The following SORCS3 variants were observed in gnomAD, a reference collection of about 807,000 sequenced individuals.
SORCS3 encodes the protein sortilin related VPS10 domain containing receptor 3, also known as VPS10 domain-containing receptor SorCS3.
A neutral mutation model predicts 146.3 loss-of-function variants in SORCS3; 57 were observed. The ratio of observed to expected loss-of-function variants is 0.39; its 90% confidence interval spans 0.31 to 0.49. SORCS3 has a LOEUF of 0.49. SORCS3 is among the 20% of genes least tolerant of loss of function. The pLI is 0.92. For missense variants in SORCS3, 1,341 were observed against 1,575.5 expected, an observed-to-expected ratio of 0.85 and a Z score of 2.52; for synonymous variants, 653 against 618.5, an observed-to-expected ratio of 1.06 and a Z score of -0.83.
intron 4 of SORCS3, among the ~76,000 whole-genome samples, chr10:105,041,232 C>A (rs902091816): frequency 4.0e-5 from 6 of 148,908 alleles, no homozygotes; most frequent in African/African-American, 1.5e-4. Context: ...CTCTTTCTTG[C>A]AAACAGGATC....
chr10:104,678,267 C>A (rs2015934601), intron 1 of SORCS3, among the ~76,000 whole-genome samples: 2 of 151,988 alleles, frequency 1.3e-5, no homozygotes, highest in Non-Finnish European at 2.9e-5. Flanking sequence ...GTTGGGTGAA[C>A]TAGACCCAGT....
At chr10:105,087,041 C>T (rs2055666433) in intron 5 of SORCS3, among the ~76,000 whole-genome samples, 1 of 152,080 alleles carries the variant, frequency 6.6e-6, no homozygotes, top group African/African-American at 2.4e-5. Flanking sequence ...AGACTTTCTT[C>T]TAGGGTTTTT....
At chr10:105,217,632 CT>C (rs1222369805) in intron 19 of SORCS3, among the ~76,000 whole-genome samples, 4 of 152,202 alleles carry the variant, frequency 2.6e-5, no homozygotes, top group Admixed American at 1.3e-4. Context: ...TACAAGGTTA[CT>C]GCAAGTTCAT....
chr10:104,758,016 C>T (rs1005145679), intron 1 of SORCS3, among the ~76,000 whole-genome samples: 3 of 152,162 alleles, frequency 2.0e-5, no homozygotes, highest in African/African-American at 7.2e-5. Flanking sequence ...AACATAAAAA[C>T]AGGAGAATTT....
At chr10:105,218,743 G>A (rs959647537) in intron 19 of SORCS3, among the ~76,000 whole-genome samples, 1 of 152,192 alleles carries the variant, frequency 6.6e-6, no homozygotes, top group Non-Finnish European at 1.5e-5. Flanking sequence ...CTGGCTGGGC[G>A]CGGTGGCTCA....
intron 5 of SORCS3, among the ~76,000 whole-genome samples, chr10:105,075,897 G>A (rs1391274071): frequency 6.6e-6 from 1 of 152,200 alleles, no homozygotes; most frequent in Non-Finnish European, 1.5e-5. Context: ...CAGCTGGTCA[G>A]TATGAACGTG....
chr10:105,084,610 A>T (rs539404698), intron 5 of SORCS3, among the ~76,000 whole-genome samples: 14 of 152,274 alleles, frequency 9.2e-5, no homozygotes, highest in African/African-American at 2.9e-4. Context: ...TGGGCTTCTC[A>T]GCAGTTTGTG....
intron 2 of SORCS3, among the ~76,000 whole-genome samples, chr10:104,901,927 G>A (rs888146344): frequency 1.3e-5 from 2 of 152,234 alleles, no homozygotes; most frequent in Admixed American, 6.5e-5. Flanking sequence ...TGGCCTCTCA[G>A]TGGTGACAGA....
chr10:105,154,446 C>T (rs1032828309), intron 9 of SORCS3, among the ~76,000 whole-genome samples: 1 of 152,288 alleles, frequency 6.6e-6, no homozygotes, highest in Non-Finnish European at 1.5e-5. Flanking sequence ...GTCAGTTTCC[C>T]TCTGCACTCA....
intron 5 of SORCS3, among the ~76,000 whole-genome samples, chr10:105,045,671 G>A (rs182857019): frequency 1.3e-3 from 201 of 152,192 alleles, no homozygotes; most frequent in African/African-American, 4.5e-3. Context: ...ATTTCTCTGG[G>A]TATAGAACAA....
At chr10:105,132,636 C>T (rs1278122285) in intron 7 of SORCS3, among the ~76,000 whole-genome samples, 1 of 152,130 alleles carries the variant, frequency 6.6e-6, no homozygotes, top group African/African-American at 2.4e-5. Flanking sequence ...TAGGCTTGGT[C>T]ACAGCAAGAG....
At chr10:104,827,514 A>T (rs1471214538) in intron 1 of SORCS3, among the ~76,000 whole-genome samples, 1 of 152,172 alleles carries the variant, frequency 6.6e-6, no homozygotes, top group South Asian at 2.1e-4. Flanking sequence ...TAAAATTTTC[A>T]GTAAACTGTG....
intron 4 of SORCS3, among the ~76,000 whole-genome samples, chr10:105,004,814 A>C (rs2055084305): frequency 1.0e-5 from 1 of 99,764 alleles, no homozygotes; most frequent in Non-Finnish European, 2.0e-5. Flanking sequence ...AGGTGGGGGG[A>C]AGTGGGGGGC....
intron 1 of SORCS3, among the ~76,000 whole-genome samples, chr10:104,697,154 GAATA>G (rs918725201): frequency 3.9e-5 from 6 of 151,986 alleles, no homozygotes; most frequent in East Asian, 1.9e-4. Context: ...ATAAATAGAT[GAATA>G]AATAAATAAA....
At chr10:105,210,163 C>A (rs867393897) in intron 16 of SORCS3, among the ~76,000 whole-genome samples, 4 of 152,088 alleles carry the variant, frequency 2.6e-5, no homozygotes, top group Middle Eastern at 3.2e-3. Context: ...TCCACAAAAT[C>A]TTGGCTCAAA....
chr10:104,642,102 C>G (rs1281744470), intron 1 of SORCS3, 148 bp downstream of exon 1: 3 of 946,380 alleles, frequency 3.2e-6, no homozygotes, highest in Non-Finnish European at 4.6e-6. Flanking sequence ...TCCGATTCCC[C>G]CCACGCCCCC....
chr10:105,137,917 A>T (rs554720368), intron 7 of SORCS3, among the ~76,000 whole-genome samples: 2 of 152,208 alleles, frequency 1.3e-5, no homozygotes, highest in Admixed American at 6.5e-5. Context: ...AATGGTGACT[A>T]TGTGTTCAGA....
chr10:104,862,052 T>C (rs553984846), intron 2 of SORCS3, among the ~76,000 whole-genome samples: 2 of 152,314 alleles, frequency 1.3e-5, no homozygotes, highest in South Asian at 4.1e-4. Context: ...CTAATACATC[T>C]GCAACAACTT....
At chr10:105,098,873 T>C (rs575546683) in intron 6 of SORCS3, among the ~76,000 whole-genome samples, 2 of 152,184 alleles carry the variant, frequency 1.3e-5, no homozygotes, top group Non-Finnish European at 1.5e-5. Context: ...TGCTGAGATA[T>C]TCAGTGTCAC....
Sources: gnomAD v4.1 joint callset for allele counts (sites outside exome capture counted in the v4.1 genomes callset) on GRCh38, gnomAD v4.1.1 for gene constraint, MANE v1.5 for transcripts, NCBI Gene and HGNC (gene_info 2026-07-23, HGNC 2026-07-21) for gene names.